AUTS2: variants seen among roughly 807,000 people sequenced by gnomAD.
The protein encoded by AUTS2 is activator of transcription and developmental regulator AUTS2.
A neutral mutation model predicts 112.4 loss-of-function variants in AUTS2; 17 were observed. The ratio of observed to expected loss-of-function variants is 0.15; its 90% CI spans 0.10 to 0.23. The LOEUF (loss-of-function observed/expected upper bound fraction) is 0.23, where lower values mean the gene tolerates loss of function less well. Ranked by LOEUF, AUTS2 falls within the 10% of genes least tolerant of loss-of-function variation. The probability of loss-of-function intolerance (pLI) is 1.00; values close to 1 mark genes in which losing one functional copy is unlikely to be tolerated. For missense variants in AUTS2, 1,510 were observed against 1,701.6 expected (o/e 0.89, Z 1.98); for synonymous variants, 751 against 702.7 (o/e 1.07, Z -1.09).
chr7:70,654,878 C>T (rs2129542144), intron 5 of AUTS2, among the ~76,000 whole-genome samples: 1 of 152,292 alleles, frequency 6.6e-6, no homozygotes, highest in African/African-American at 2.4e-5. Context: ...TTTAAAAATC[C>T]TCACTTCTCT....
At chr7:70,672,582 G>A (rs993741796) in intron 5 of AUTS2, among the ~76,000 whole-genome samples, 3 of 152,006 alleles carry the variant, frequency 2.0e-5, no homozygotes, top group Non-Finnish European at 4.4e-5. Flanking sequence ...CCTCGAAAGG[G>A]TAGGACACAT....
intron 2 of AUTS2, among the ~76,000 whole-genome samples, chr7:70,100,599 C>A: frequency 6.6e-6 from 1 of 151,314 alleles, no homozygotes; most frequent in Non-Finnish European, 1.5e-5. Context: ...CCACAATAGG[C>A]CCTGGTGTGT....
intron 5 of AUTS2, among the ~76,000 whole-genome samples, chr7:70,538,105 C>T (rs537520672): frequency 2.0e-4 from 31 of 152,158 alleles, no homozygotes; most frequent in South Asian, 1.2e-3. Context: ...GGTGTGATGG[C>T]GTGCACCTAT....
chr7:70,305,111 A>G lies in AUTS2; in HGVS notation c.661-130641A>G, dbSNP rs545666683. Among the ~76,000 whole-genome samples, 4 of 152,238 alleles carry G rather than the reference A, an allele frequency of 2.6e-5. No homozygotes were observed. In the East Asian group the frequency reaches 7.7e-4, roughly 29 times the overall value. ...GACCACATAGTATCCTATTATATTG[A>G]TAATACCATAATTTACCTAACCCAT... is the stretch of plus-strand genomic sequence containing the variant. On this transcript the variant is annotated intron_variant, in intron 4 of 18. Transcript: ENST00000342771.
chr7:70,006,659 A>G (rs1799556970), intron 2 of AUTS2, among the ~76,000 whole-genome samples: 1 of 152,118 alleles, frequency 6.6e-6, no homozygotes, highest in Non-Finnish European at 1.5e-5. Flanking sequence ...CAACTTCCCC[A>G]GTTCTAAAGA....
intron 2 of AUTS2, among the ~76,000 whole-genome samples, chr7:70,113,391 T>C (rs1443837431): frequency 6.6e-6 from 1 of 152,134 alleles, no homozygotes; most frequent in African/African-American, 2.4e-5. Flanking sequence ...CATGATACTT[T>C]CCCAATTTGG....
intron 2 of AUTS2, among the ~76,000 whole-genome samples, chr7:70,033,223 A>C (rs1384913356): frequency 6.6e-6 from 1 of 152,188 alleles, no homozygotes; most frequent in Non-Finnish European, 1.5e-5. Flanking sequence ...TTATTTTTTT[A>C]AAAAGGTATT....
intron 1 of AUTS2, among the ~76,000 whole-genome samples, chr7:69,677,948 G>A (rs1796630271): frequency 6.6e-6 from 1 of 152,162 alleles, no homozygotes. Context: ...TAAACACAGG[G>A]ACCTCTACGA....
intron 5 of AUTS2, among the ~76,000 whole-genome samples, chr7:70,506,786 G>A (rs1798981271): frequency 6.6e-6 from 1 of 152,118 alleles, no homozygotes; most frequent in African/African-American, 2.4e-5. Flanking sequence ...GTTTATTTCG[G>A]GGCTGAGATT....
At chr7:69,954,641 A>G (rs1255605693) in intron 2 of AUTS2, among the ~76,000 whole-genome samples, 1 of 152,232 alleles carries the variant, frequency 6.6e-6, no homozygotes, top group Admixed American at 6.5e-5. Flanking sequence ...AATAAAACAG[A>G]ACGCCAGTTT....
At chr7:69,985,226 CTAAAAAAAAAAAA>C (rs1392812797) in intron 2 of AUTS2, among the ~76,000 whole-genome samples, 1 of 98,656 alleles carries the variant, frequency 1.0e-5, no homozygotes, top group African/African-American at 4.2e-5. Flanking sequence ...GGAAGACTCT[CTAAAAAAAAAAAA>C]AAAAAAAAGA....
intron 1 of AUTS2, among the ~76,000 whole-genome samples, chr7:69,760,079 A>G (rs540208073): frequency 6.6e-6 from 1 of 151,892 alleles, no homozygotes; most frequent in Admixed American, 6.5e-5. Flanking sequence ...TATGAACTCA[A>G]TCTACAAAGA....
rs1027483845 is a variant in AUTS2, at chr7:70,557,620, A to G, written c.690+121839A>G. Among the ~76,000 whole-genome samples, 21 of 152,208 alleles carry G rather than the reference A, an allele frequency of 1.4e-4. 1 individual carries two copies. Among genetic ancestry groups the G allele is most frequent in the Admixed American group, 1.3e-3 (20 of 15,272 alleles). On this transcript the variant is annotated intron_variant, in intron 5 of 18. Coordinates refer to ENST00000342771, the MANE Select transcript of AUTS2 (RefSeq NM_015570.4). ...ATGCAAAGCCCCAGAGCCCATTACC[A>G]TAGGTTACAGCAAATGTTAATCAGT...
intron 5 of AUTS2, among the ~76,000 whole-genome samples, chr7:70,606,533 C>T (rs530159289): frequency 1.9e-4 from 29 of 152,194 alleles, no homozygotes; most frequent in South Asian, 6.2e-4. Context: ...AGTGCAGCGC[C>T]CATAAGCTTT....
intron 5 of AUTS2, among the ~76,000 whole-genome samples, chr7:70,678,277 G>A (rs1808028039): frequency 6.6e-6 from 1 of 152,026 alleles, no homozygotes; most frequent in African/African-American, 2.4e-5. Flanking sequence ...ATACTGTAAA[G>A]AAATAAGGCA....
At chr7:70,531,585 G>C (rs1800095121) in intron 5 of AUTS2, among the ~76,000 whole-genome samples, 1 of 152,086 alleles carries the variant, frequency 6.6e-6, no homozygotes, top group African/African-American at 2.4e-5. Context: ...CAAAAGAAAG[G>C]GCTTGGGGGT....
chr7:69,711,195 G>GT (rs1798309181), intron 1 of AUTS2, among the ~76,000 whole-genome samples: 1 of 152,102 alleles, frequency 6.6e-6, no homozygotes, highest in African/African-American at 2.4e-5. Context: ...GGCTTATGTG[G>GT]TTCTATCCCA....
intron 1 of AUTS2, among the ~76,000 whole-genome samples, chr7:69,608,655 A>G (rs1041869611): frequency 3.9e-5 from 6 of 152,232 alleles, no homozygotes; most frequent in African/African-American, 9.6e-5. Context: ...TGAACATTAG[A>G]TTATTACTTG....
intron 18 of AUTS2, among the ~76,000 whole-genome samples, chr7:70,788,582 A>G (rs1173380244): frequency 6.6e-6 from 1 of 152,230 alleles, no homozygotes; most frequent in South Asian, 2.1e-4. Context: ...ACTAGGTGCA[A>G]TGCAGGATGT....
Sources: gnomAD v4.1 joint callset for allele counts (sites outside exome capture counted in the v4.1 genomes callset) on GRCh38, gnomAD v4.1.1 for gene constraint, MANE v1.5 for transcripts, NCBI Gene and HGNC (gene_info 2026-07-23, HGNC 2026-07-21) for gene names.